NCOA3: variants seen among roughly 807,000 people sequenced by gnomAD.
NCOA3 encodes the protein nuclear receptor coactivator 3.
Under a neutral mutation model 158.8 loss-of-function variants are expected in NCOA3, and 51 were observed. That is an observed-to-expected ratio of 0.32 (90% CI 0.26 to 0.41). The LOEUF is 0.41. Among genes scored for constraint, NCOA3 ranks in the 10% least tolerant of loss-of-function variants. The probability of loss-of-function intolerance (pLI) is 1.00; values close to 1 mark genes in which losing one functional copy is unlikely to be tolerated. For missense variants in NCOA3, 1,510 were observed against 1,746.6 expected, an observed-to-expected ratio of 0.86 and a Z score of 2.41; for synonymous variants, 537 against 592.4, an observed-to-expected ratio of 0.91 and a Z score of 1.36.
intron 1 of NCOA3, among the ~76,000 whole-genome samples, chr20:47,520,410 TC>T (rs1444023758): frequency 6.6e-6 from 1 of 152,124 alleles, no homozygotes; most frequent in African/African-American, 2.4e-5. Flanking sequence ...TCCTTGCCCT[TC>T]CCCTAGGGGA....
chr20:47,642,262 C>G lies in NCOA3; in HGVS notation c.3130C>G (p.Leu1044Val). The G allele has an allele frequency of 1.2e-6, 2 of 1,610,474 alleles. No homozygotes were observed. The highest frequency in any genetic ancestry group is 4.5e-5 in the East Asian group (2 of 44,772). The change falls in exon 17 of 23, where the codon CTG becomes GTG. Residue 1044 changes from leucine to valine, a missense_variant. Transcript: ENST00000371998. ...LDDLVGPPSNLEGQSDERALL... is the reference protein window; with the variant it reads ...LDDLVGPPSNVEGQSDERALL... Reference sequence around the variant, plus strand: ...TGATCTTGTTGGGCCACCTTCCAACCTGGAAGGCCAGAGTGACGAAAGAGC... The same window carrying G: ...TGATCTTGTTGGGCCACCTTCCAACGTGGAAGGCCAGAGTGACGAAAGAGC...
chr20:47,571,935 C>G (rs1166325009), intron 1 of NCOA3, among the ~76,000 whole-genome samples: 1 of 152,112 alleles, frequency 6.6e-6, no homozygotes, highest in African/African-American at 2.4e-5. Flanking sequence ...ACCATGTTGC[C>G]CAGGCTGGTC....
chr20:47,555,018 C>A lies in NCOA3; in HGVS notation c.-98-28165C>A, dbSNP rs1160074863. Among the ~76,000 whole-genome samples the A allele has an allele frequency of 5.9e-5, 9 of 152,184 alleles. No homozygotes were observed. The East Asian group carries it at 1.7e-3, about 29-fold the overall frequency. ...CTGGTACCAAAACAGAGATATAGAC[C>A]AATGGAACAGAACAGAGCCCTCAGA... is the stretch of plus-strand genomic sequence containing the variant. On this transcript the variant is annotated intron_variant, in intron 1 of 22. Transcript: ENST00000371998.
chr20:47,648,232 C>A (rs1335990001), intron 18 of NCOA3, among the ~76,000 whole-genome samples: 1 of 151,856 alleles, frequency 6.6e-6, no homozygotes, highest in Non-Finnish European at 1.5e-5. Flanking sequence ...ATCCAAAGAG[C>A]CAGAGACTCC....
At chr20:47,503,627 C>G (rs948546810) in intron 1 of NCOA3, among the ~76,000 whole-genome samples, 1 of 152,056 alleles carries the variant, frequency 6.6e-6, no homozygotes, top group Non-Finnish European at 1.5e-5. Context: ...TTTTTGCTCT[C>G]TTAAAAAAAA....
intron 1 of NCOA3, among the ~76,000 whole-genome samples, chr20:47,521,996 A>G (rs976716954): frequency 2.0e-5 from 3 of 152,030 alleles, no homozygotes; most frequent in Non-Finnish European, 2.9e-5. Context: ...ACATCTTAAC[A>G]GTATTGTGCC....
chr20:47,625,230 T>C (rs1204598516), intron 4 of NCOA3, 151 bp from the exon 5 acceptor site: 5 of 592,976 alleles, frequency 8.4e-6, no homozygotes, highest in African/African-American at 7.5e-5. Flanking sequence ...TGTTATAATA[T>C]TGTAGCATCA....
chr20:47,634,230 T>C (rs199881993), intron 10 of NCOA3, 35 bp downstream of exon 10: 1 of 1,575,978 alleles, frequency 6.3e-7, no homozygotes, highest in Non-Finnish European at 8.7e-7. Flanking sequence ...TAATACAAAA[T>C]GCAGCAGTGT....
In NCOA3 at chr20:47,656,122, C is replaced by T. The variant is rs2086869105; in HGVS notation, c.*2705C>T. 1 of 138,364 alleles carries T rather than the reference C, an allele frequency of 7.2e-6. No homozygotes were observed. The highest frequency in any genetic ancestry group is 2.2e-4 in the South Asian group (1 of 4,494). 8.6% of individuals were successfully genotyped at this position (138,364 alleles called of 1,614,324 possible). A position where few individuals can be genotyped will look rare whatever the true frequency, so the allele number is the denominator to read the frequency against. ...TTAGAATGTGGGATATTTCCAGTAC[C>T]TACTTTTTTTTTTTTTTTTTGCTGA... is the stretch of plus-strand genomic sequence containing the variant. On this transcript the variant is annotated 3_prime_UTR_variant, in exon 23 of 23. Coordinates refer to ENST00000371998, the MANE Select transcript of NCOA3 (RefSeq NM_181659.3).
intron 4 of NCOA3, 135 bp downstream of exon 4, chr20:47,624,218 C>T (rs562769698): frequency 5.2e-5 from 34 of 658,216 alleles, no homozygotes; most frequent in African/African-American, 1.1e-4. Context: ...AAGCACATTA[C>T]GTTTGTGGTG....
chr20:47,534,797 T>C (rs1174896623), intron 1 of NCOA3, among the ~76,000 whole-genome samples: 1 of 151,962 alleles, frequency 6.6e-6, no homozygotes, highest in African/African-American at 2.4e-5. Context: ...GCACCTGTAG[T>C]CCCAGCTGTT....
At chr20:47,531,941 T>G (rs913452423) in intron 1 of NCOA3, among the ~76,000 whole-genome samples, 1 of 152,214 alleles carries the variant, frequency 6.6e-6, no homozygotes, top group Non-Finnish European at 1.5e-5. Context: ...AACGTGTACA[T>G]CCTCACACCC....
chr20:47,639,943 T>C lies in NCOA3; in HGVS notation c.2972T>C (p.Met991Thr). The C allele has an allele frequency of 6.2e-7, 1 of 1,614,170 alleles. No individual in the cohort carries two copies. Among genetic ancestry groups the C allele is most frequent in the South Asian group, 1.1e-5 (1 of 91,084 alleles). Reference protein sequence around the residue: ...MLQMRPGEIPMGMGANPYGQA... With the variant: ...MLQMRPGEIPTGMGANPYGQA... ...CCCCCAGGGCCTGGTGAAATCCCCA[T>C]GGGAATGGGGGCTAATCCCTATGGC... is the stretch of plus-strand genomic sequence containing the variant. The change falls in exon 16 of 23, where the codon ATG (methionine) becomes ACG (threonine). Residue 991 changes from methionine (M) to threonine (T), a missense_variant. Physicochemically the swap from Met to Thr is moderately conservative, Grantham distance 81. Around this residue, in one of 4 missense-constraint regions of NCOA3, gnomAD observed 1,017 missense variants for 1,098.3 expected, o/e 0.93. Transcript: ENST00000371998.
At chr20:47,564,444 A>G (rs1206895815) in intron 1 of NCOA3, among the ~76,000 whole-genome samples, 1 of 152,088 alleles carries the variant, frequency 6.6e-6, no homozygotes, top group African/African-American at 2.4e-5. Context: ...GTTACTGGGG[A>G]TATATTCAAC....
chr20:47,624,459 GAAT>G (rs2086290498), intron 4 of NCOA3, among the ~76,000 whole-genome samples: 1 of 152,188 alleles, frequency 6.6e-6, no homozygotes, highest in Non-Finnish European at 1.5e-5. Flanking sequence ...ACACCTGTGA[GAAT>G]CTAATGCTAC....
chr20:47,624,398 A>G (rs2086289241), intron 4 of NCOA3, among the ~76,000 whole-genome samples: 1 of 152,220 alleles, frequency 6.6e-6, no homozygotes, highest in Non-Finnish European at 1.5e-5. Flanking sequence ...GAGAATCATA[A>G]GGAGCACACA....
At chr20:47,589,036 C>T (rs1256634389) in intron 2 of NCOA3, among the ~76,000 whole-genome samples, 1 of 151,936 alleles carries the variant, frequency 6.6e-6, no homozygotes, top group Non-Finnish European at 1.5e-5. Flanking sequence ...CTACAAATGC[C>T]CAACAGCATG....
At chr20:47,502,265 G>A (rs1233006535) in intron 1 of NCOA3, among the ~76,000 whole-genome samples, 13 of 152,194 alleles carry the variant, frequency 8.5e-5, no homozygotes, top group Admixed American at 6.5e-4. Context: ...CAGTCCGCTT[G>A]GGGATCCGAG....
At chr20:47,519,130 C>A in intron 1 of NCOA3, among the ~76,000 whole-genome samples, 3 of 133,496 alleles carry the variant, frequency 2.2e-5, no homozygotes, top group Admixed American at 8.2e-5. Context: ...AGCGAGACTC[C>A]ATCTCAAAAA....
Sources: allele counts gnomAD v4.1 joint callset (sites outside exome capture counted in the v4.1 genomes callset), GRCh38; gene constraint gnomAD v4.1.1; regional missense constraint gnomAD v4.1.1; transcripts MANE v1.5; gene names NCBI Gene and HGNC (gene_info 2026-07-23, HGNC 2026-07-21).